Variants in CACNA1B observed in about 807,000 individuals in gnomAD.
The protein encoded by CACNA1B is voltage-dependent N-type calcium channel subunit alpha-1B.
In CACNA1B, 70 loss-of-function variants were observed where a neutral mutation model predicts 247.2. The observed-to-expected ratio is 0.28, with a 90% CI of 0.23 to 0.35. The LOEUF (loss-of-function observed/expected upper bound fraction) is 0.35. CACNA1B is among the 10% of genes least tolerant of loss of function. The pLI, the probability that CACNA1B is intolerant of heterozygous loss-of-function variation, is 1.00. For missense variants in CACNA1B, 2,367 were observed against 3,197.4 expected (o/e 0.74, Z 6.26); for synonymous variants, 1,231 against 1,294.4 (o/e 0.95, Z 1.05).
chr9:137,943,735 GA>G (rs1957761266), intron 6 of CACNA1B, among the ~76,000 whole-genome samples: 2 of 152,318 alleles, frequency 1.3e-5, no homozygotes, highest in South Asian at 4.1e-4. Context: ...GCGAGAAGAG[GA>G]GGGGGTGGTT....
At position 137,917,293 on chromosome 9, in the gene CACNA1B, G is replaced by A; in HGVS notation, c.828G>A (p.Leu276=). The stretch of plus-strand genomic sequence containing the variant: ...GTGGCAAGGAGGCCCCAGCCCGGCT[G>A]TGCGAGGGCGACACTGAGTGCCGGG... ...FPCGKEAPAR[L]CEGDTECREY... Residue 276 remains leucine (L), a synonymous_variant, in exon 6 of 47, where the codon CTG becomes CTA. Coordinates refer to ENST00000371372, the MANE Select transcript of CACNA1B (RefSeq NM_000718.4). This position sits in a 1 kb window ranked among gnomAD's most constrained non-coding sequence, Gnocchi z 5.5. 6.2e-7 allele frequency: 1 copy of A among 1,613,986 alleles called. No homozygotes were observed. The highest frequency in any genetic ancestry group is 8.5e-7 in the Non-Finnish European group (1 of 1,179,856).
chr9:138,104,779 A>G (rs1410919593), intron 38 of CACNA1B, among the ~76,000 whole-genome samples: 1 of 152,252 alleles, frequency 6.6e-6, no homozygotes, highest in Non-Finnish European at 1.5e-5. Flanking sequence ...CTGGGGCTCC[A>G]CTTGGCCAGC....
chr9:138,077,135 C>T (rs1357487085), intron 35 of CACNA1B, among the ~76,000 whole-genome samples: 1 of 152,204 alleles, frequency 6.6e-6, no homozygotes, highest in Non-Finnish European at 1.5e-5. Context: ...CAGTCAGGCC[C>T]AGCACAGGTT....
At chr9:138,032,616 C>T in intron 20 of CACNA1B, 1 of 439,642 alleles carries the variant, frequency 2.3e-6, no homozygotes, top group Non-Finnish European at 4.5e-6. Context: ...CTTGATTTTC[C>T]CTTCATTCCT....
rs545187583 is a variant in CACNA1B at position 137,950,526 on chromosome 9, G to T, written c.967-1748G>T. On this transcript the variant is annotated intron_variant, in intron 6 of 46. Coordinates refer to ENST00000371372, the MANE Select transcript of CACNA1B (RefSeq NM_000718.4). This position sits in a 1 kb window ranked among gnomAD's most constrained non-coding sequence, Gnocchi z 4.8. Reference sequence around the variant, plus strand: ...CACCCCATGGAGGGTGAGGGGATTCGGATGCCTCACTGCAGTCTAGGTGCT... The same window carrying T: ...CACCCCATGGAGGGTGAGGGGATTCTGATGCCTCACTGCAGTCTAGGTGCT... Among the ~76,000 whole-genome samples the T allele has an allele frequency of 1.2e-3, 190 of 152,306 alleles. 1 individual carries two copies. Among genetic ancestry groups the T allele is most frequent in the Non-Finnish European group, 1.2e-4 (8 of 68,026 alleles).
intron 20 of CACNA1B, among the ~76,000 whole-genome samples, chr9:138,028,010 A>G (rs1404988099): frequency 1.3e-5 from 1 of 78,684 alleles, no homozygotes; most frequent in African/African-American, 5.0e-5. Flanking sequence ...TCTCATTTCC[A>G]CTCCCCCCCA....
At chr9:138,017,273 C>T (rs1958804911) in intron 18 of CACNA1B, 2 of 500,404 alleles carry the variant, frequency 4.0e-6, no homozygotes, top group East Asian at 1.1e-4. Context: ...CCTTCCACTC[C>T]TAACTCTGCT....
rs201298068 is a variant in CACNA1B at position 137,952,225 on chromosome 9, G to A, written c.967-49G>A. 5 of 1,475,268 alleles carry A rather than the reference G, an allele frequency of 3.4e-6. 1 individual carries two copies. In the South Asian group the frequency reaches 3.4e-5, roughly 10 times the overall value. The allele number at this position is 1,475,268 out of a possible 1,614,324, so 91.4% of individuals were successfully genotyped here. Reference sequence around the variant, plus strand: ...GGGCTGGGGGTGCTCCTGTGGCCGGGACTGTGTTTTGTCCCTGTCCTTCCT... The same window carrying A: ...GGGCTGGGGGTGCTCCTGTGGCCGGAACTGTGTTTTGTCCCTGTCCTTCCT... On this transcript the variant is annotated intron_variant, in intron 6 of 46. Coordinates refer to ENST00000371372, the MANE Select transcript of CACNA1B (RefSeq NM_000718.4). The surrounding 1 kb of genome is among the most constrained non-coding windows in gnomAD (Gnocchi z 4.8).
chr9:138,006,620 A>C lies in CACNA1B; in HGVS notation c.1975-147A>C, dbSNP rs1589063074. On this transcript the variant is annotated intron_variant, in intron 15 of 46. Transcript: ENST00000371372. The stretch of plus-strand genomic sequence containing the variant: ...CTGGGATGCCCAGACCTTCGGAGAC[A>C]GCATCATCTAAAGACCTGGATGTGC... 9.5e-6 allele frequency: 6 copies of C among 632,832 alleles called. 1 individual carries two copies. In the Admixed American group the frequency reaches 1.4e-4, roughly 15 times the overall value. The allele number at this position is 632,832 out of a possible 1,614,324, so 39.2% of individuals were successfully genotyped here.
In CACNA1B at chr9:137,913,260, C is replaced by G; in HGVS notation, c.611C>G (p.Ser204Cys). 6.2e-7 allele frequency: 1 copy of G among 1,613,708 alleles called. No homozygotes were observed. The highest frequency in any genetic ancestry group is 8.5e-7 in the Non-Finnish European group (1 of 1,179,666). ...GTGCTGAGGCCCCTGAAGCTGGTGT[C>G]TGGGATTCCAAGTGAGTCCAGCGAA... ...VRVLRPLKLV[S>C]GIPSLQVVLK... The change falls in exon 4 of 47, where the codon TCT becomes TGT. Residue 204 changes from serine (S) to cysteine (C), a missense_variant. Around this residue, in one of 12 missense-constraint regions of CACNA1B, gnomAD observed 130 missense variants for 338.7 expected, o/e 0.38. Coordinates refer to ENST00000371372, the MANE Select transcript of CACNA1B (RefSeq NM_000718.4). The surrounding 1 kb of genome is among the most constrained non-coding windows in gnomAD (Gnocchi z 5.2).
intron 22 of CACNA1B, 141 bp downstream of exon 22, chr9:138,047,174 C>A: frequency 1.2e-6 from 1 of 839,980 alleles, no homozygotes; most frequent in Non-Finnish European, 1.8e-6. Context: ...GTGTGCCTGG[C>A]AGTGCACGAC....
At chr9:137,927,411 C>CG (rs1957564042) in intron 6 of CACNA1B, among the ~76,000 whole-genome samples, 1 of 151,970 alleles carries the variant, frequency 6.6e-6, no homozygotes, top group Non-Finnish European at 1.5e-5. Context: ...TTAGTAGAGA[C>CG]GGGGTTTCTC....
In CACNA1B at chr9:137,919,183, G is replaced by A. The variant is rs1019633925; in HGVS notation, c.966+1752G>A. 1.3e-5 allele frequency among the ~76,000 whole-genome samples: 2 copies of A among 152,256 alleles called. No individual in the cohort carries two copies. On this transcript the variant is annotated intron_variant, in intron 6 of 46. Transcript: ENST00000371372. This position sits in a 1 kb window ranked among gnomAD's most constrained non-coding sequence, Gnocchi z 4.6. ...CTGGGGCAGGCAGCACTGGCCAGGA[G>A]GGGCCACAGAGGTTTCAGCCAGCAT...
At chr9:137,904,435 T>A (rs948388933) in intron 3 of CACNA1B, among the ~76,000 whole-genome samples, 1 of 147,012 alleles carries the variant, frequency 6.8e-6, no homozygotes. Context: ...GGTGTGATCA[T>A]GGCTCACTGC....
At chr9:138,062,910 G>T (rs904012987) in intron 31 of CACNA1B, among the ~76,000 whole-genome samples, 1 of 152,224 alleles carries the variant, frequency 6.6e-6, no homozygotes, top group Non-Finnish European at 1.5e-5. Flanking sequence ...TCTCCAAAAC[G>T]CAAAGCAGCC....
chr9:138,004,119 G>A (rs1259942810), intron 15 of CACNA1B, among the ~76,000 whole-genome samples: 1 of 152,060 alleles, frequency 6.6e-6, no homozygotes, highest in Non-Finnish European at 1.5e-5. Context: ...TGCAGTTCTG[G>A]AGAAACTTCA....
At chr9:138,087,316 CAG>C (rs1184089276) in intron 36 of CACNA1B, among the ~76,000 whole-genome samples, 1 of 131,454 alleles carries the variant, frequency 7.6e-6, no homozygotes, top group African/African-American at 3.1e-5. Flanking sequence ...ACCTGGGAGG[CAG>C]AGTTTGCAGT....
chr9:137,957,515 G>C lies in CACNA1B; in HGVS notation c.1244-83G>C, dbSNP rs954418836. 10 of 990,224 alleles carry C rather than the reference G, an allele frequency of 1.0e-5. No individual in the cohort carries two copies. The African/African-American group carries it at 1.7e-4, about 16-fold the overall frequency. 61.3% of individuals were successfully genotyped at this position (990,224 alleles called of 1,614,324 possible). ...TCAGGAGAGGTCACTGGTCCCAGGG[G>C]GAGGGTGATCCCATGCCCCGCTGAG... On this transcript the variant is annotated intron_variant, in intron 9 of 46. Transcript: ENST00000371372. This position sits in a 1 kb window ranked among gnomAD's most constrained non-coding sequence, Gnocchi z 4.7.
At chr9:137,893,584 A>G (rs141590035) in intron 3 of CACNA1B, among the ~76,000 whole-genome samples, 1,846 of 151,688 alleles carry the variant, frequency 0.012, 23 homozygotes, top group African/African-American at 0.028. Context: ...CCAGGAGGCG[A>G]AGCTTGCAGT....
Sources: allele counts gnomAD v4.1 joint callset (sites outside exome capture counted in the v4.1 genomes callset), GRCh38; gene constraint gnomAD v4.1.1; regional missense constraint gnomAD v4.1.1; non-coding constraint Gnocchi (gnomAD v3.1); transcripts MANE v1.5; gene names NCBI Gene and HGNC (gene_info 2026-07-23, HGNC 2026-07-21).